POLG: variants seen among roughly 807,000 people sequenced by gnomAD.
The protein encoded by POLG is DNA polymerase subunit gamma-1.
A neutral mutation model predicts 155.4 loss-of-function variants in POLG; 110 were observed. The observed-to-expected ratio is 0.71, with a 90% CI of 0.61 to 0.83. The LOEUF is 0.83. Ranked by LOEUF, POLG falls within the 40% of genes least tolerant of loss-of-function variation. The probability of loss-of-function intolerance (pLI) is 0.00; values close to 1 mark genes in which losing one functional copy is unlikely to be tolerated. For missense variants in POLG, 1,685 were observed against 1,627.5 expected (o/e 1.04, Z -0.61); for synonymous variants, 701 against 631.5 (o/e 1.11, Z -1.65).
chr15:89,317,196 C>A (rs3176238), intron 22 of POLG, 180 bp downstream of exon 22: 1 of 636,868 alleles, frequency 1.6e-6, no homozygotes, highest in African/African-American at 1.8e-5. Context: ...GCCTTCATTT[C>A]TGAAACATCA....
intron 10 of POLG, among the ~76,000 whole-genome samples, chr15:89,325,057 A>AGAGTGAGTGAGTGAGTGAGAGAGTGAGT (rs2055457943): frequency 1.1e-5 from 1 of 87,640 alleles, no homozygotes; most frequent in African/African-American, 7.9e-5. Flanking sequence ...AGTGAGTGAG[A>AGAGTGAGTGAGTGAGTGAGAGAGTGAGT]GAGTGAGTGA....
chr15:89,326,493 A>G, intron 9 of POLG, 119 bp downstream of exon 9: 1 of 1,116,918 alleles, frequency 9.0e-7, no homozygotes, highest in African/African-American at 1.5e-5. Context: ...ACTGAATGGC[A>G]GCAGGTCAAT....
In POLG at chr15:89,318,996, G is replaced by T; in HGVS notation, c.3208C>A (p.Pro1070Thr). The change falls in exon 20 of 23, where the codon CCA (proline) becomes ACA (threonine). Residue 1070 changes from proline (P) to threonine (T), a missense_variant. By Grantham distance (38) the Pro-to-Thr change is conservative (BLOSUM62 -1). Transcript: ENST00000268124. ...KLESIATSDI[P>T]RTPVLGCCIS... is the part of the protein sequence containing the mutation. ...CAGCAGCCCAGCACCGGGGTACGTG[G>T]TATGTCAGACGTAGCAATGCTCTCA... 6.2e-7 allele frequency: 1 copy of T among 1,614,112 alleles called. No individual in the cohort carries two copies. Among genetic ancestry groups the T allele is most frequent in the Non-Finnish European group, 8.5e-7 (1 of 1,180,000 alleles).
chr15:89,334,082 G>A (rs1386455180), intron 1 of POLG, 169 bp from the exon 2 acceptor site: 6 of 399,648 alleles, frequency 1.5e-5, no homozygotes, highest in South Asian at 2.5e-5. Flanking sequence ...CCTCCTGGGG[G>A]AACCGGGGTC....
chr15:89,323,187 C>A (rs928684456), intron 13 of POLG, among the ~76,000 whole-genome samples: 3 of 152,234 alleles, frequency 2.0e-5, no homozygotes, highest in Non-Finnish European at 4.4e-5. Context: ...CGACGTGCCC[C>A]ATGTCATTTA....
At chr15:89,323,606 C>T (rs992081910) in intron 12 of POLG, 95 bp from the exon 13 acceptor site, 17 of 877,984 alleles carry the variant, frequency 1.9e-5, no homozygotes, top group East Asian at 2.5e-5. Flanking sequence ...CTGAAACTGT[C>T]GTCATCAGCT....
chr15:89,317,289 G>A (rs921002510), intron 22 of POLG, 87 bp downstream of exon 22: 26 of 1,338,558 alleles, frequency 1.9e-5, no homozygotes, highest in Non-Finnish European at 2.7e-5. Context: ...GGATTCTCTG[G>A]GGCCCCAAGT....
intron 21 of POLG, 80 bp downstream of exon 21, chr15:89,318,461 C>T: frequency 8.7e-7 from 1 of 1,148,884 alleles, no homozygotes; most frequent in Non-Finnish European, 1.3e-6. Flanking sequence ...TCAAAACTGA[C>T]CAGTCTGGCC....
intron 21 of POLG, 61 bp downstream of exon 21, chr15:89,318,480 G>A (rs953601276): frequency 2.3e-5 from 33 of 1,410,030 alleles, no homozygotes; most frequent in Admixed American, 2.2e-4. Flanking sequence ...CCCAAGGAAC[G>A]CTCACCCAAA....
chr15:89,318,655 A>C lies in POLG; in HGVS notation c.3368T>G (p.Phe1123Cys). Reference protein sequence around the residue: ...LVAMKWLFEEFAIDGRFCISI... With the variant: ...LVAMKWLFEECAIDGRFCISI... ...GATGCAGAAGCGCCCATCTATGGCA[A>C]ACTCTTCAAACAGCCACTTCATGGC... The change falls in exon 21 of 23, where the codon TTT (phenylalanine) becomes TGT (cysteine). Residue 1123 changes from phenylalanine to cysteine, a missense_variant. This residue lies in a region of POLG where 470 missense variants were observed against 439.9 expected (regional missense o/e 1.07). Transcript: ENST00000268124. 1 of 1,614,252 alleles carries C rather than the reference A, an allele frequency of 6.2e-7. No individual in the cohort carries two copies. The highest frequency in any genetic ancestry group is 8.5e-7 in the Non-Finnish European group (1 of 1,180,036).
At position 89,325,201 on chromosome 15, in the gene POLG, AGTG is replaced by A. The variant is rs1567189791; in HGVS notation, c.1949+246_1949+248del. ...GAGAGAGTGAGTGAGTGAGAGAGTG[AGTG>A]AGAGAGTGAGTGAGTGAGAGAGTGA... On this transcript the variant is annotated intron_variant, in intron 10 of 22. Coordinates refer to ENST00000268124, the MANE Select transcript of POLG (RefSeq NM_002693.3). Among the ~76,000 whole-genome samples the A allele has an allele frequency of 3.0e-4, 30 of 101,484 alleles. 3 individuals are homozygous for A. The highest frequency in any genetic ancestry group is 1.2e-3 in the African/African-American group (27 of 22,386). 66.6% of individuals were successfully genotyped at this position (101,484 alleles called of 152,430 possible). A position where few individuals can be genotyped will look rare whatever the true frequency, so the allele number is the denominator to read the frequency against.
intron 14 of POLG, among the ~76,000 whole-genome samples, chr15:89,322,504 A>C (rs1295892924): frequency 6.6e-6 from 1 of 152,196 alleles, no homozygotes; most frequent in Non-Finnish European, 1.5e-5. Flanking sequence ...TACACCAAGA[A>C]GTTCTGTTGG....
At chr15:89,322,662 G>C in intron 14 of POLG, 80 bp downstream of exon 14, 1 of 1,483,394 alleles carries the variant, frequency 6.7e-7, no homozygotes, top group East Asian at 2.3e-5. Context: ...GGCCCTCTGT[G>C]GGAATCCAGG....
rs775461932 is a variant in POLG, at chr15:89,328,673, C to G, written c.1170+12G>C. ...ACAGCCCATGTCCCCAGAGCCCCCT[C>G]CAGCACCATACCTGGAAGTTCTCAC... On this transcript the variant is annotated intron_variant, in intron 5 of 22. Transcript: ENST00000268124. The G allele has an allele frequency of 8.1e-6, 13 of 1,614,022 alleles. No homozygotes were observed. The East Asian group carries it at 2.9e-4, about 36-fold the overall frequency.
In POLG at chr15:89,317,150, G is replaced by C. The variant is rs1860022; in HGVS notation, c.3643+226C>G. 8,673 of 604,160 alleles carry C rather than the reference G, an allele frequency of 0.014. 478 individuals carry two copies. The highest frequency in any genetic ancestry group is 0.14 in the African/African-American group (7,389 of 53,992). The allele number at this position is 604,160 out of a possible 1,614,324, so 37.4% of individuals were successfully genotyped here. ...AAACATTTCTTCTGTGGTTGAAGTA[G>C]GGGACAGGTACAGGTAGAATATTTG... On this transcript the variant is annotated intron_variant, in intron 22 of 22. Transcript: ENST00000268124.
intron 9 of POLG, among the ~76,000 whole-genome samples, chr15:89,326,392 T>C (rs1255229593): frequency 2.6e-5 from 4 of 152,192 alleles, no homozygotes; most frequent in Non-Finnish European, 4.4e-5. Context: ...CCACGGGCCA[T>C]TGCACAGCAG....
intron 2 of POLG, among the ~76,000 whole-genome samples, chr15:89,331,871 G>A (rs991494400): frequency 1.0e-4 from 15 of 148,254 alleles, no homozygotes; most frequent in African/African-American, 3.2e-4. Flanking sequence ...GCAATGCCCC[G>A]AGTACCACTG....
Position 89,325,523 on chromosome 15 carries a change from C to G in POLG, c.1876G>C (p.Gly626Arg). ...AGCTTGGCCAGGTTGTCCCGCCGCC[C>G]AGGCACCAAGTAGCCCCAGCCATGA... is the stretch of plus-strand genomic sequence containing the variant. ...ERHGWGYLVP[G>R]RRDNLAKLPT... is the part of the protein sequence containing the mutation. Residue 626 changes from glycine to arginine, a missense_variant, in exon 10 of 23, where the codon GGG becomes CGG. Transcript: ENST00000268124. 6.2e-7 allele frequency: 1 copy of G among 1,612,430 alleles called. No homozygotes were observed. Among genetic ancestry groups the G allele is most frequent in the Non-Finnish European group, 8.5e-7 (1 of 1,180,018 alleles).
intron 2 of POLG, chr15:89,332,115 G>A (rs1465713324): frequency 6.6e-6 from 1 of 152,104 alleles, no homozygotes; most frequent in Non-Finnish European, 1.5e-5. Context: ...CCTTTACTTT[G>A]ACCATCAAGT....
Sources: gnomAD v4.1 joint callset for allele counts (sites outside exome capture counted in the v4.1 genomes callset) on GRCh38, gnomAD v4.1.1 for gene constraint, gnomAD v4.1.1 regional missense constraint, MANE v1.5 for transcripts, NCBI Gene and HGNC (gene_info 2026-07-23, HGNC 2026-07-21) for gene names.